The following CDH4 variants were observed in gnomAD, a reference collection of about 807,000 sequenced individuals.
CDH4 encodes cadherin-4.
Under a neutral mutation model 86.0 loss-of-function variants are expected in CDH4, and 33 were observed. The observed-to-expected ratio is 0.38, with a 90% CI of 0.29 to 0.51. CDH4 has a LOEUF of 0.51. CDH4 is among the 20% of genes least tolerant of loss of function. The probability of loss-of-function intolerance (pLI) is 0.86; values close to 1 mark genes in which losing one functional copy is unlikely to be tolerated. For synonymous variants in CDH4, 555 were observed against 549.4 expected, an observed-to-expected ratio of 1.01 and a Z score of -0.14; for missense variants, 1,114 against 1,307.4, an observed-to-expected ratio of 0.85 and a Z score of 2.28.
At position 61,588,348 on chromosome 20, in the gene CDH4, G is replaced by T. The variant is rs1486292761; in HGVS notation, c.170-155215G>T. Among the ~76,000 whole-genome samples, 5 of 152,192 alleles carry T rather than the reference G, an allele frequency of 3.3e-5. No individual in the cohort carries two copies. In the East Asian group the frequency reaches 7.7e-4, roughly 23 times the overall value. On this transcript the variant is annotated intron_variant, in intron 2 of 15. Coordinates refer to ENST00000614565, the MANE Select transcript of CDH4 (RefSeq NM_001794.5). ...ATCAGTCAAGTGATTTGCAACGCTG[G>T]TCCTGCTTCCAGAAGGTCTGGGCAC...
intron 2 of CDH4, among the ~76,000 whole-genome samples, chr20:61,730,558 T>C (rs1260526107): frequency 6.6e-6 from 1 of 152,222 alleles, no homozygotes; most frequent in Non-Finnish European, 1.5e-5. Context: ...CTCAAGCACT[T>C]CCTGGGTGCC....
chr20:61,916,831 C>T (rs956116765), intron 9 of CDH4, among the ~76,000 whole-genome samples: 2 of 152,246 alleles, frequency 1.3e-5, no homozygotes, highest in Admixed American at 6.5e-5. Context: ...CAGCAGTGTG[C>T]TCTTTCCTTC....
At chr20:61,935,420 A>AT (rs985619159) in intron 15 of CDH4, among the ~76,000 whole-genome samples, 1 of 152,004 alleles carries the variant, frequency 6.6e-6, no homozygotes, top group Admixed American at 6.5e-5. Flanking sequence ...AAACGTAAAG[A>AT]TCCCCAAACG....
chr20:61,714,787 C>T (rs1040167933), intron 2 of CDH4, among the ~76,000 whole-genome samples: 1 of 152,166 alleles, frequency 6.6e-6, no homozygotes, highest in African/African-American at 2.4e-5. Context: ...ATATATGCTA[C>T]ATTTTCCTTA....
At chr20:61,720,665 G>A (rs1229051954) in intron 2 of CDH4, among the ~76,000 whole-genome samples, 1 of 151,968 alleles carries the variant, frequency 6.6e-6, no homozygotes, top group Non-Finnish European at 1.5e-5. Context: ...TGTGTTCTGT[G>A]TATTTGCTTG....
chr20:61,359,699 GA>G (rs1462168062), intron 2 of CDH4, among the ~76,000 whole-genome samples: 2 of 152,218 alleles, frequency 1.3e-5, no homozygotes, highest in East Asian at 3.9e-4. Context: ...GAGGAAGGGA[GA>G]AAACCTAAAG....
intron 3 of CDH4, among the ~76,000 whole-genome samples, chr20:61,745,381 G>T (rs1470569518): frequency 1.3e-5 from 2 of 152,202 alleles, no homozygotes; most frequent in African/African-American, 2.4e-5. Flanking sequence ...CTTCTGACTT[G>T]TTTCTCAGAT....
At chr20:61,644,280 C>T (rs558238785) in intron 2 of CDH4, among the ~76,000 whole-genome samples, 2 of 152,316 alleles carry the variant, frequency 1.3e-5, no homozygotes, top group African/African-American at 2.4e-5. Flanking sequence ...AGGGAGGCCA[C>T]GTCACAGGCG....
At chr20:61,724,541 GC>G (rs1450799534) in intron 2 of CDH4, among the ~76,000 whole-genome samples, 1 of 152,212 alleles carries the variant, frequency 6.6e-6, no homozygotes, top group Non-Finnish European at 1.5e-5. Flanking sequence ...CAAAACAAAG[GC>G]CCTTCCAGAC....
intron 2 of CDH4, among the ~76,000 whole-genome samples, chr20:61,322,482 T>G (rs2084514230): frequency 6.6e-6 from 1 of 152,150 alleles, no homozygotes; most frequent in South Asian, 2.1e-4. Context: ...GAAGTCAAGA[T>G]TCTCTGTCTC....
intron 2 of CDH4, among the ~76,000 whole-genome samples, chr20:61,351,661 T>A (rs1249477715): frequency 1.3e-5 from 2 of 152,164 alleles, no homozygotes; most frequent in African/African-American, 4.8e-5. Context: ...CCCTCAAGCA[T>A]TTATCCTTTG....
At chr20:61,549,663 A>G (rs775288193) in intron 2 of CDH4, among the ~76,000 whole-genome samples, 1 of 152,204 alleles carries the variant, frequency 6.6e-6, no homozygotes, top group African/African-American at 2.4e-5. Flanking sequence ...CTGGGAGACT[A>G]AACAGCGAAG....
At chr20:61,437,116 G>A (rs6089314) in intron 2 of CDH4, 7,112 of 152,314 alleles carry the variant, frequency 0.047, 203 homozygotes, top group African/African-American at 0.071. Flanking sequence ...CAAGGAGACC[G>A]TAGAAAGGAA....
intron 2 of CDH4, among the ~76,000 whole-genome samples, chr20:61,686,051 AGGTGATG>A (rs1470993052): frequency 1.3e-5 from 2 of 152,216 alleles, no homozygotes; most frequent in African/African-American, 4.8e-5. Context: ...GCACCATCAG[AGGTGATG>A]GGATTTTTTT....
chr20:61,613,979 C>A, intron 2 of CDH4, among the ~76,000 whole-genome samples: 1 of 152,060 alleles, frequency 6.6e-6, no homozygotes, highest in South Asian at 2.1e-4. Flanking sequence ...GTGACTAAGT[C>A]TCTGGTGCAG....
intron 2 of CDH4, among the ~76,000 whole-genome samples, chr20:61,666,309 C>T (rs747505356): frequency 7.9e-5 from 12 of 152,306 alleles, no homozygotes; most frequent in Admixed American, 3.3e-4. Context: ...GCCCTGTAGA[C>T]GAACTTGAAA....
At chr20:61,394,912 C>T (rs371997725) in intron 2 of CDH4, among the ~76,000 whole-genome samples, 9 of 140,538 alleles carry the variant, frequency 6.4e-5, no homozygotes, top group Admixed American at 1.6e-4. Flanking sequence ...CCCCACCCCG[C>T]CCAGCAGTGA....
At chr20:61,856,679 T>C (rs1318692946) in intron 6 of CDH4, among the ~76,000 whole-genome samples, 1 of 152,162 alleles carries the variant, frequency 6.6e-6, no homozygotes, top group Non-Finnish European at 1.5e-5. Context: ...CCCCACACTC[T>C]TATCCAGCCC....
At chr20:61,505,357 G>C (rs895616885) in intron 2 of CDH4, among the ~76,000 whole-genome samples, 9 of 152,198 alleles carry the variant, frequency 5.9e-5, no homozygotes, top group African/African-American at 2.2e-4. Context: ...GGAGTTAGGC[G>C]TAGCTTCAGG....
Sources: allele counts gnomAD v4.1 joint callset (sites outside exome capture counted in the v4.1 genomes callset), GRCh38; gene constraint gnomAD v4.1.1; transcripts MANE v1.5; gene names NCBI Gene and HGNC (gene_info 2026-07-23, HGNC 2026-07-21).